The following ST3GAL4 variants were observed in gnomAD, a reference collection of about 807,000 sequenced individuals.
The protein encoded by ST3GAL4 is CMP-N-acetylneuraminate-beta-galactosamide-alpha-2,3-sialyltransferase 4.
ST3GAL4 carries 24 observed loss-of-function variants against 42.6 expected under a neutral mutation model. The ratio of observed to expected loss-of-function variants is 0.56; its 90% CI spans 0.41 to 0.79. The LOEUF is 0.79. Ranked by LOEUF, ST3GAL4 falls within the 30% of genes least tolerant of loss-of-function variation. The pLI, the probability that ST3GAL4 is intolerant of heterozygous loss-of-function variation, is 0.00. For synonymous variants in ST3GAL4, 135 were observed against 163.2 expected (o/e 0.83, Z 1.32); for missense variants, 311 against 430.8 (o/e 0.72, Z 2.46).
At position 126,398,422 on chromosome 11, in the gene ST3GAL4, G is replaced by A. The variant is rs535570533; in HGVS notation, c.-60-7674G>A. On this transcript the variant is annotated intron_variant, in intron 1 of 10. Transcript: ENST00000444328. The surrounding 1 kb of genome is among the most constrained non-coding windows in gnomAD (Gnocchi z 4.7). ...AGGGACTTGGGCCCCCAAGGCCTCC[G>A]GCAGCCCTGCTTCCCTGGCCTTGCT... Among the ~76,000 whole-genome samples, 6 of 152,212 alleles carry A rather than the reference G, an allele frequency of 3.9e-5. No homozygotes were observed. The highest frequency in any genetic ancestry group is 1.9e-4 in the East Asian group (1 of 5,186).
In ST3GAL4 at chr11:126,391,991, A is replaced by G. The variant is rs1006471403; in HGVS notation, c.-60-14105A>G. ...TGTGTGTATGTGTGTGTATGTGTAT[A>G]TATAAAATTATTTTCCTTAACACCA... On this transcript the variant is annotated intron_variant, in intron 1 of 10. Transcript: ENST00000444328. The surrounding 1 kb of genome is among the most constrained non-coding windows in gnomAD (Gnocchi z 5.5). 6.6e-6 allele frequency among the ~76,000 whole-genome samples: 1 copy of G among 151,164 alleles called. No individual in the cohort carries two copies. The highest frequency in any genetic ancestry group is 1.5e-5 in the Non-Finnish European group (1 of 67,886).
rs1196238340 is a variant in ST3GAL4, at chr11:126,398,451, C to T, written c.-60-7645C>T. On this transcript the variant is annotated intron_variant, in intron 1 of 10. Coordinates refer to ENST00000444328, the MANE Select transcript of ST3GAL4 (RefSeq NM_001254757.2). This position sits in a 1 kb window ranked among gnomAD's most constrained non-coding sequence, Gnocchi z 4.7. ...GCCCTGCTTCCCTGGCCTTGCTGGG[C>T]TCATTCCATGCAGCAGCTCTCACCG... Among the ~76,000 whole-genome samples the T allele has an allele frequency of 6.6e-6, 1 of 152,244 alleles. No individual in the cohort carries two copies. The highest frequency in any genetic ancestry group is 6.5e-5 in the Admixed American group (1 of 15,294).
At chr11:126,407,694 C>G in intron 6 of ST3GAL4, 60 bp downstream of exon 6, 1 of 1,490,120 alleles carries the variant, frequency 6.7e-7, no homozygotes. Flanking sequence ...CCCCTGCCCG[C>G]TCCCCCCACT....
intron 1 of ST3GAL4, chr11:126,405,702 G>A (rs1218563655): frequency 4.1e-6 from 1 of 246,670 alleles, no homozygotes; most frequent in East Asian, 1.1e-4. Context: ...CTCACACAGT[G>A]AGTTGGCTAA....
Position 126,386,593 on chromosome 11 carries a change from G to T in ST3GAL4, c.-60-19503G>T, listed in dbSNP as rs754364871. 6.6e-6 allele frequency among the ~76,000 whole-genome samples: 1 copy of T among 152,114 alleles called. No individual in the cohort carries two copies. The highest frequency in any genetic ancestry group is 6.6e-5 in the Admixed American group (1 of 15,256). ...TTAGAGAGGGCTGGCCAGCTGTGCC[G>T]GAATTAGGAAGTGGGTACAGCTGGA... is the stretch of plus-strand genomic sequence containing the variant. On this transcript the variant is annotated intron_variant, in intron 1 of 10. Coordinates refer to ENST00000444328, the MANE Select transcript of ST3GAL4 (RefSeq NM_001254757.2). The surrounding 1 kb of genome is among the most constrained non-coding windows in gnomAD (Gnocchi z 4.7).
At chr11:126,361,365 ATT>A (rs10627600) in intron 1 of ST3GAL4, among the ~76,000 whole-genome samples, 105 of 137,232 alleles carry the variant, frequency 7.7e-4, no homozygotes, top group South Asian at 2.3e-3. Flanking sequence ...CTTGGCTTTA[ATT>A]TTTTTTTTTT....
rs112880392 is a variant in ST3GAL4 at position 126,410,373 on chromosome 11, G to A, written c.771+962G>A. 4.4e-3 allele frequency among the ~76,000 whole-genome samples: 666 copies of A among 152,296 alleles called. 8 individuals carry two copies. The highest frequency in any genetic ancestry group is 0.015 in the African/African-American group (629 of 41,564). Reference sequence around the variant, plus strand: ...TATCTTGGAGCCCCTCGGGGAGGCCGTGTGGGATGGTGAGAGACAGGCACT... The same window carrying A: ...TATCTTGGAGCCCCTCGGGGAGGCCATGTGGGATGGTGAGAGACAGGCACT... On this transcript the variant is annotated intron_variant, in intron 9 of 10. Coordinates refer to ENST00000444328, the MANE Select transcript of ST3GAL4 (RefSeq NM_001254757.2). This position sits in a 1 kb window ranked among gnomAD's most constrained non-coding sequence, Gnocchi z 5.3.
intron 5 of ST3GAL4, 27 bp downstream of exon 5, chr11:126,407,376 C>T: frequency 6.2e-7 from 1 of 1,609,100 alleles, no homozygotes; most frequent in Non-Finnish European, 8.5e-7. Context: ...CTCGTGGGAA[C>T]CATGGGCTCA....
chr11:126,372,131 A>G (rs1259562820), intron 1 of ST3GAL4, among the ~76,000 whole-genome samples: 2 of 152,216 alleles, frequency 1.3e-5, no homozygotes, highest in African/African-American at 4.8e-5. Flanking sequence ...AAGTACATTT[A>G]GAATGTGCTA....
Position 126,406,653 on chromosome 11 carries a change from G to C in ST3GAL4, c.101+96G>C. 2 of 1,506,600 alleles carry C rather than the reference G, an allele frequency of 1.3e-6. No homozygotes were observed. Among genetic ancestry groups the C allele is most frequent in the Non-Finnish European group, 1.8e-6 (2 of 1,113,954 alleles). 93.3% of individuals were successfully genotyped at this position (1,506,600 alleles called of 1,614,324 possible). A position where few individuals can be genotyped will look rare whatever the true frequency, so the allele number is the denominator to read the frequency against. ...GCGGGGGACCTAGTAGGGCAGGAAG[G>C]TTCCAAGAGCCGGCACATGACCTCA... is the stretch of plus-strand genomic sequence containing the variant. On this transcript the variant is annotated intron_variant, in intron 3 of 10. Transcript: ENST00000444328. The surrounding 1 kb of genome is among the most constrained non-coding windows in gnomAD (Gnocchi z 5.4).
chr11:126,406,976 G>A lies in ST3GAL4; in HGVS notation c.135G>A (p.Pro45=), dbSNP rs1449869042. Residue 45 remains proline, a synonymous_variant, in exon 4 of 11, where the codon CCG becomes CCA. Transcript: ENST00000444328. This position sits in a 1 kb window ranked among gnomAD's most constrained non-coding sequence, Gnocchi z 5.4. ...FYFPIPEKKE[P]CLQGEAESKA... ...TTCCCATCCCAGAGAAGAAGGAGCC[G>A]TGCCTCCAGGGTGAGGCAGAGAGCA... 1.9e-5 allele frequency: 30 copies of A among 1,614,052 alleles called. No homozygotes were observed. The highest frequency in any genetic ancestry group is 1.7e-4 in the Middle Eastern group (1 of 6,058).
chr11:126,390,323 G>GTTTTTTTTTTT (rs142562472), intron 1 of ST3GAL4, among the ~76,000 whole-genome samples: 2 of 148,820 alleles, frequency 1.3e-5, no homozygotes, highest in African/African-American at 2.5e-5. Context: ...AGTGTTTCCA[G>GTTTTTTTTTTT]TTTGTTTGTT....
intron 1 of ST3GAL4, among the ~76,000 whole-genome samples, chr11:126,402,338 C>T (rs141824792): frequency 0.011 from 1,631 of 151,942 alleles, 9 homozygotes; most frequent in Non-Finnish European, 0.017. Context: ...TGCCTGTAGT[C>T]CCAGCTACTC....
chr11:126,410,280 C>T lies in ST3GAL4; in HGVS notation c.771+869C>T, dbSNP rs1237554404. Among the ~76,000 whole-genome samples the T allele has an allele frequency of 6.6e-6, 1 of 152,224 alleles. No individual in the cohort carries two copies. The highest frequency in any genetic ancestry group is 1.5e-5 in the Non-Finnish European group (1 of 68,042). On this transcript the variant is annotated intron_variant, in intron 9 of 10. Coordinates refer to ENST00000444328, the MANE Select transcript of ST3GAL4 (RefSeq NM_001254757.2). This position sits in a 1 kb window ranked among gnomAD's most constrained non-coding sequence, Gnocchi z 5.3. ...CCATAGCAAGTTATGGTTTTGAGTG[C>T]AGTGCCCTGGTGGTCTTCAGCTGGT...
intron 1 of ST3GAL4, among the ~76,000 whole-genome samples, chr11:126,395,536 C>G (rs942354454): frequency 6.6e-6 from 1 of 152,026 alleles, no homozygotes; most frequent in Non-Finnish European, 1.5e-5. Flanking sequence ...TGGCTGTGTC[C>G]CCACCCAAAT....
intron 1 of ST3GAL4, among the ~76,000 whole-genome samples, chr11:126,390,033 A>G (rs908564526): frequency 6.6e-6 from 1 of 150,780 alleles, no homozygotes; most frequent in African/African-American, 2.4e-5. Context: ...AAAAAAAAAA[A>G]TTAGCTGGGC....
chr11:126,413,816 A>T, intron 10 of ST3GAL4, 145 bp from the exon 11 acceptor site: 1 of 1,382,832 alleles, frequency 7.2e-7, no homozygotes, highest in Non-Finnish European at 9.9e-7. Context: ...GTTCAGCCAC[A>T]TGGGCTTTGT....
intron 1 of ST3GAL4, among the ~76,000 whole-genome samples, chr11:126,380,956 G>C (rs1952977098): frequency 6.6e-6 from 1 of 152,244 alleles, no homozygotes; most frequent in Non-Finnish European, 1.5e-5. Context: ...GTGCATTTCT[G>C]TCTGTACATG....
In ST3GAL4 at chr11:126,409,053, C is replaced by T. The variant is rs1410752352; in HGVS notation, c.628-215C>T. 2.6e-5 allele frequency among the ~76,000 whole-genome samples: 4 copies of T among 152,194 alleles called. No individual in the cohort carries two copies. Among genetic ancestry groups the T allele is most frequent in the Non-Finnish European group, 4.4e-5 (3 of 68,036 alleles). On this transcript the variant is annotated intron_variant, in intron 8 of 10. Coordinates refer to ENST00000444328, the MANE Select transcript of ST3GAL4 (RefSeq NM_001254757.2). The surrounding 1 kb of genome is among the most constrained non-coding windows in gnomAD (Gnocchi z 4.9). ...CCACTCTATACACCTGGTCACCTGG[C>T]CTCCCGAGGGGGTGCCTTTCCTCCT...
Sources: allele counts gnomAD v4.1 joint callset (sites outside exome capture counted in the v4.1 genomes callset), GRCh38; gene constraint gnomAD v4.1.1; non-coding constraint Gnocchi (gnomAD v3.1); transcripts MANE v1.5; gene names NCBI Gene and HGNC (gene_info 2026-07-23, HGNC 2026-07-21).